The following ZBTB21 variants were observed in gnomAD, a reference collection of about 807,000 sequenced individuals.
The protein encoded by ZBTB21 is zinc finger and BTB domain containing 21.
Under a neutral mutation model 39.8 loss-of-function variants are expected in ZBTB21, and 10 were observed. The ratio of observed to expected loss-of-function variants is 0.25; its 90% confidence interval spans 0.16 to 0.43. ZBTB21 has a LOEUF of 0.43. ZBTB21 is among the 20% of genes least tolerant of loss of function. The pLI, the probability that ZBTB21 is intolerant of heterozygous loss-of-function variation, is 1.00. For missense variants in ZBTB21, 1,221 were observed against 1,296.3 expected, an observed-to-expected ratio of 0.94 and a Z score of 0.89; for synonymous variants, 551 against 498.8, an observed-to-expected ratio of 1.10 and a Z score of -1.40.
chr21:42,001,569 T>G (rs774268914), intron 2 of ZBTB21, among the ~76,000 whole-genome samples: 1 of 152,200 alleles, frequency 6.6e-6, no homozygotes, highest in Non-Finnish European at 1.5e-5. Flanking sequence ...CCAGGTGAGA[T>G]GGAGGCCAGG....
rs535948188 is a variant in ZBTB21, at chr21:41,991,642, A to T, written c.2454T>A (p.Gly818=). The part of the protein sequence containing the change: ...NFSLPVLDHN[G]DVTGSSRPQS... ...GGGGCCTTGAAGAACCAGTCACATC[A>T]CCATTGTGGTCCAAAACGGGCAAAG... is the stretch of plus-strand genomic sequence containing the variant. Residue 818 remains glycine, a synonymous_variant, in exon 3 of 3, where the codon GGT becomes GGA. Coordinates refer to ENST00000310826, the MANE Select transcript of ZBTB21 (RefSeq NM_001098402.2). This position sits in a 1 kb window ranked among gnomAD's most constrained non-coding sequence, Gnocchi z 4.9. 7 of 1,613,906 alleles carry T rather than the reference A, an allele frequency of 4.3e-6. No homozygotes were observed. In the South Asian group the frequency reaches 7.7e-5, roughly 18 times the overall value.
At position 41,993,943 on chromosome 21, in the gene ZBTB21, G is replaced by A; in HGVS notation, c.153C>T (p.Ser51=). The change falls in exon 3 of 3, where the codon AGC becomes AGT. Residue 51 remains serine (S), a synonymous_variant. Coordinates refer to ENST00000310826, the MANE Select transcript of ZBTB21 (RefSeq NM_001098402.2). ...FRAHKNVLAA[S]SEYFQSLFTN... ...TGAATAAACTCTGAAAGTATTCGCT[G>A]CTGGCAGCCAAGACGTTTTTATGAG... 2 of 1,614,260 alleles carry A rather than the reference G, an allele frequency of 1.2e-6. No homozygotes were observed. Among genetic ancestry groups the A allele is most frequent in the Admixed American group, 1.7e-5 (1 of 60,028 alleles).
rs558121103 is a variant in ZBTB21 at position 41,990,784 on chromosome 21, T to C, written c.*111A>G. Reference sequence around the variant, plus strand: ...TCCAACTTAATTTCAAGCGTAACAATCTCCAACCTTTATTATTCTTGTTTA... The same window carrying C: ...TCCAACTTAATTTCAAGCGTAACAACCTCCAACCTTTATTATTCTTGTTTA... On this transcript the variant is annotated 3_prime_UTR_variant, in exon 3 of 3. Transcript: ENST00000310826. The C allele has an allele frequency of 1.8e-6, 2 of 1,108,896 alleles. No homozygotes were observed. The highest frequency in any genetic ancestry group is 3.0e-5 in the South Asian group (1 of 33,820). The allele number at this position is 1,108,896 out of a possible 1,614,324, so 68.7% of individuals were successfully genotyped here.
At position 41,989,240 on chromosome 21, in the gene ZBTB21, T is replaced by C. The variant is rs566349807; in HGVS notation, c.*1655A>G. ...AAAATTTCATATATAATATCCATAA[T>C]GTACAAAGTCAATCAGTATTTTATA... On this transcript the variant is annotated 3_prime_UTR_variant, in exon 3 of 3. Transcript: ENST00000310826. The C allele has an allele frequency of 6.6e-6, 1 of 152,204 alleles. No individual in the cohort carries two copies. Among genetic ancestry groups the C allele is most frequent in the Admixed American group, 6.5e-5 (1 of 15,292 alleles). The allele number at this position is 152,204 out of a possible 1,614,324, so 9.4% of individuals were successfully genotyped here.
chr21:41,991,640 T>A lies in ZBTB21; in HGVS notation c.2456A>T (p.Asp819Val), dbSNP rs1434793452. ...TTGGGGCCTTGAAGAACCAGTCACA[T>A]CACCATTGTGGTCCAAAACGGGCAA... Reference protein sequence around the residue: ...FSLPVLDHNGDVTGSSRPQSQ... With the variant: ...FSLPVLDHNGVVTGSSRPQSQ... The change falls in exon 3 of 3, where the codon GAT (aspartate) becomes GTT (valine). Residue 819 changes from aspartate to valine, a missense_variant. Asp to Val is a radical substitution (Grantham distance 152). This residue lies in a region of ZBTB21 where 523 missense variants were observed against 542.5 expected (regional missense o/e 0.96). Coordinates refer to ENST00000310826, the MANE Select transcript of ZBTB21 (RefSeq NM_001098402.2). This position sits in a 1 kb window ranked among gnomAD's most constrained non-coding sequence, Gnocchi z 4.9. 2.5e-6 allele frequency: 4 copies of A among 1,614,214 alleles called. No individual in the cohort carries two copies. The highest frequency in any genetic ancestry group is 1.7e-4 in the Middle Eastern group (1 of 6,060).
chr21:41,993,804 T>C lies in ZBTB21; in HGVS notation c.292A>G (p.Ser98Gly), dbSNP rs1480307936. ...YSSSLFVEKS[S>G]LAAVQELGYS... is the part of the protein sequence containing the mutation. ...CCAAGTTCTTGCACAGCAGCAAGGC[T>C]GCTCTTCTCAACAAATAGAGAGGAA... Residue 98 changes from serine to glycine, a missense_variant, in exon 3 of 3, where the codon AGC becomes GGC. By Grantham distance (56) the Ser-to-Gly change is moderately conservative. Coordinates refer to ENST00000310826, the MANE Select transcript of ZBTB21 (RefSeq NM_001098402.2). 1 of 1,614,260 alleles carries C rather than the reference T, an allele frequency of 6.2e-7. No individual in the cohort carries two copies. Among genetic ancestry groups the C allele is most frequent in the South Asian group, 1.1e-5 (1 of 91,082 alleles).
Position 41,992,558 on chromosome 21 carries a change from T to C in ZBTB21, c.1538A>G (p.Glu513Gly), listed in dbSNP as rs186141325. Residue 513 changes from glutamate (E) to glycine (G), a missense_variant, in exon 3 of 3, where the codon GAA becomes GGA. Glu to Gly is a moderately conservative substitution (Grantham distance 98). This residue lies in a region of ZBTB21 where 500 missense variants were observed against 465.6 expected (regional missense o/e 1.07). Coordinates refer to ENST00000310826, the MANE Select transcript of ZBTB21 (RefSeq NM_001098402.2). This position sits in a 1 kb window ranked among gnomAD's most constrained non-coding sequence, Gnocchi z 4.1. ...ATCAAGGAGAGTAGGGCTTGAGCCT[T>C]CCTCAAAATTATCTTCTGACACAGG... ...GSPVSEDNFE[E>G]GSSPTLLDAD... 75 of 1,614,154 alleles carry C rather than the reference T, an allele frequency of 4.6e-5. No homozygotes were observed. The East Asian group carries it at 1.3e-3, about 28-fold the overall frequency.
intron 1 of ZBTB21, among the ~76,000 whole-genome samples, chr21:42,007,576 G>T (rs1280735938): frequency 2.6e-5 from 4 of 151,620 alleles, no homozygotes; most frequent in Non-Finnish European, 4.4e-5. Context: ...CAAAGCTTTT[G>T]TAATTTGCCC....
rs1419505794 is a variant in ZBTB21, at chr21:41,988,159, ACTTT to A, written c.*2732_*2735del. The stretch of plus-strand genomic sequence containing the variant: ...ACAATATTTGTTACCTCCATTGCTT[ACTTT>A]GAGTGATAAAAACATGTTTTATGTT... On this transcript the variant is annotated 3_prime_UTR_variant, in exon 3 of 3. Transcript: ENST00000310826. 1 of 152,162 alleles carries A rather than the reference ACTTT, an allele frequency of 6.6e-6. No homozygotes were observed. The highest frequency in any genetic ancestry group is 1.5e-5 in the Non-Finnish European group (1 of 68,022). 9.4% of individuals were successfully genotyped at this position (152,162 alleles called of 1,614,324 possible).
At chr21:42,007,473 TA>T (rs1270393845) in intron 1 of ZBTB21, among the ~76,000 whole-genome samples, 1 of 152,216 alleles carries the variant, frequency 6.6e-6, no homozygotes, top group African/African-American at 2.4e-5. Flanking sequence ...CAAACTTGCA[TA>T]TCCAGCCTCT....
chr21:41,992,206 TTC>T lies in ZBTB21; in HGVS notation c.1888_1889del (p.Glu630AsnfsTer2), dbSNP rs769060928. ...ACTTAATGATCAGGGCCTTCTTAAT[TTC>T]TCTCTCTCTCACTATGTCAATCAGC... is the stretch of plus-strand genomic sequence containing the variant. Reference protein sequence around the residue: ...RKLIDIVREREIKKALIIKLR... With the variant: ...RKLIDIVRERXIKKALIIKLR... On this transcript the variant is annotated frameshift_variant, in exon 3 of 3. Transcript: ENST00000310826. LOFTEE classifies it high-confidence loss of function. This position sits in a 1 kb window ranked among gnomAD's most constrained non-coding sequence, Gnocchi z 4.1. 5.6e-6 allele frequency: 9 copies of T among 1,613,926 alleles called. No individual in the cohort carries two copies. In the Admixed American group the frequency reaches 8.3e-5, roughly 15 times the overall value.
intron 2 of ZBTB21, among the ~76,000 whole-genome samples, chr21:42,001,262 G>T (rs577022085): frequency 6.6e-6 from 1 of 152,292 alleles, no homozygotes; most frequent in African/African-American, 2.4e-5. Flanking sequence ...TTCTGAACTA[G>T]ACAGTGTCAT....
chr21:42,008,449 C>T (rs1354613128), intron 1 of ZBTB21, among the ~76,000 whole-genome samples: 2 of 139,348 alleles, frequency 1.4e-5, no homozygotes, highest in African/African-American at 5.4e-5. Context: ...ACCAGGGAGG[C>T]GGAGGTTGCA....
At position 41,992,708 on chromosome 21, in the gene ZBTB21, G is replaced by A. The variant is rs1412630339; in HGVS notation, c.1388C>T (p.Thr463Ile). 1 of 1,614,196 alleles carries A rather than the reference G, an allele frequency of 6.2e-7. No homozygotes were observed. Among genetic ancestry groups the A allele is most frequent in the Non-Finnish European group, 8.5e-7 (1 of 1,180,038 alleles). ...TTCTGTTTTCAGAGACAGGTCTCTT[G>A]TGACCGACGAAGATGAGGCAGCTGC... ...TTAAASSSSV[T>I]RDLSLKTEDD... Residue 463 changes from threonine (T) to isoleucine (I), a missense_variant, in exon 3 of 3, where the codon ACA becomes ATA. Transcript: ENST00000310826. This position sits in a 1 kb window ranked among gnomAD's most constrained non-coding sequence, Gnocchi z 4.1.
intron 1 of ZBTB21, among the ~76,000 whole-genome samples, chr21:42,008,714 G>A (rs2065915908): frequency 6.6e-6 from 1 of 151,948 alleles, no homozygotes; most frequent in Non-Finnish European, 1.5e-5. Context: ...TCGAGGGCAG[G>A]GGTTATATCT....
Position 42,010,318 on chromosome 21 carries a change from C to T in ZBTB21, c.-145G>A. On this transcript the variant is annotated 5_prime_UTR_variant, in exon 1 of 3. Transcript: ENST00000310826. ...CACACTCGGCTCGCGCGCGCCGCAG[C>T]CGCCGCTGCCGCTGTGATTCCATCC... is the stretch of plus-strand genomic sequence containing the variant. The T allele has an allele frequency of 2.5e-6, 1 of 398,402 alleles. No individual in the cohort carries two copies. Among genetic ancestry groups the T allele is most frequent in the Non-Finnish European group, 4.4e-6 (1 of 225,952 alleles). The allele number at this position is 398,402 out of a possible 1,614,324, so 24.7% of individuals were successfully genotyped here.
In ZBTB21 at chr21:41,992,016, C is replaced by T; in HGVS notation, c.2080G>A (p.Gly694Arg). The T allele has an allele frequency of 6.2e-7, 1 of 1,614,210 alleles. No homozygotes were observed. The highest frequency in any genetic ancestry group is 8.5e-7 in the Non-Finnish European group (1 of 1,180,040). ...TTATTTACTCCAAGGGGTTTTTCTC[C>T]TGGATGCATTTTTATATGCTGCTTA... ...QFKQHIKMHP[G>R]EKPLGVNKVA... The change falls in exon 3 of 3, where the codon GGA becomes AGA. Residue 694 changes from glycine (G) to arginine (R), a missense_variant. Physicochemically the swap from Gly to Arg is moderately radical, Grantham distance 125. Around this residue, in one of 4 missense-constraint regions of ZBTB21, gnomAD observed 523 missense variants for 542.5 expected, o/e 0.96. Coordinates refer to ENST00000310826, the MANE Select transcript of ZBTB21 (RefSeq NM_001098402.2). The surrounding 1 kb of genome is among the most constrained non-coding windows in gnomAD (Gnocchi z 4.1).
rs912367358 is a variant in ZBTB21 at position 42,001,145 on chromosome 21, A to G, written c.-14+1752T>C. On this transcript the variant is annotated intron_variant, in intron 2 of 2. Transcript: ENST00000310826. ...AAGTAACATGCTCAACGTCATAGAG[A>G]TAAGTAGCAGAGCAGGATTCACATC... Among the ~76,000 whole-genome samples the G allele has an allele frequency of 5.3e-5, 8 of 152,186 alleles. No individual in the cohort carries two copies. The East Asian group carries it at 7.7e-4, about 15-fold the overall frequency.
rs146658168 is a variant in ZBTB21, at chr21:41,992,744, G to A, written c.1352C>T (p.Ala451Val). The change falls in exon 3 of 3, where the codon GCG becomes GTG. Residue 451 changes from alanine (A) to valine (V), a missense_variant. Around this residue, in one of 4 missense-constraint regions of ZBTB21, gnomAD observed 500 missense variants for 465.6 expected, o/e 1.07. Coordinates refer to ENST00000310826, the MANE Select transcript of ZBTB21 (RefSeq NM_001098402.2). This position sits in a 1 kb window ranked among gnomAD's most constrained non-coding sequence, Gnocchi z 4.1. ...SDIIRVTVGD[A>V]ATTAAASSSS... The stretch of plus-strand genomic sequence containing the variant: ...AGATGAGGCAGCTGCTGTTGTTGCC[G>A]CATCTCCCACAGTGACGCGGATGAT... The A allele has an allele frequency of 9.0e-4, 1,459 of 1,614,094 alleles. 18 individuals are homozygous for A. The African/African-American group carries it at 0.016, about 17-fold the overall frequency.
Sources: allele counts gnomAD v4.1 joint callset (sites outside exome capture counted in the v4.1 genomes callset), GRCh38; gene constraint gnomAD v4.1.1; regional missense constraint gnomAD v4.1.1; non-coding constraint Gnocchi (gnomAD v3.1); transcripts MANE v1.5; gene names NCBI Gene and HGNC (gene_info 2026-07-23, HGNC 2026-07-21).